The following ZNF609 variants were observed in gnomAD, a reference collection of about 807,000 sequenced individuals.
The protein encoded by ZNF609 is zinc finger protein 609.
Under a neutral mutation model 109.5 loss-of-function variants are expected in ZNF609, and 11 were observed. That is an observed-to-expected ratio of 0.10 (90% CI 0.06 to 0.17). The LOEUF is 0.17. ZNF609 is among the 10% of genes least tolerant of loss of function. The pLI is 1.00. For synonymous variants in ZNF609, 646 were observed against 662.0 expected, an observed-to-expected ratio of 0.98 and a Z score of 0.37; for missense variants, 1,559 against 1,772.4, an observed-to-expected ratio of 0.88 and a Z score of 2.16.
intron 2 of ZNF609, among the ~76,000 whole-genome samples, chr15:64,505,813 C>G (rs781319972): frequency 2.6e-5 from 4 of 152,082 alleles, no homozygotes; most frequent in Non-Finnish European, 5.9e-5. Flanking sequence ...CACCAGCCTT[C>G]TAAACTTGAA....
intron 2 of ZNF609, among the ~76,000 whole-genome samples, chr15:64,544,003 T>C (rs2140384823): frequency 6.6e-6 from 1 of 152,234 alleles, no homozygotes; most frequent in South Asian, 2.1e-4. Context: ...TGACTGACTC[T>C]CATTTATGTT....
intron 1 of ZNF609, among the ~76,000 whole-genome samples, chr15:64,480,538 A>G (rs138480669): frequency 1.3e-5 from 2 of 152,254 alleles, no homozygotes; most frequent in East Asian, 3.9e-4. Context: ...TCTCAAAAAA[A>G]AAAACAAAAA....
intron 7 of ZNF609, 61 bp from the exon 8 acceptor site, chr15:64,680,584 TG>T: frequency 7.3e-7 from 1 of 1,364,898 alleles, no homozygotes. Flanking sequence ...TGTGTGTGTG[TG>T]TGTGGTTGTA....
chr15:64,548,794 T>G (rs1420064183), intron 2 of ZNF609, among the ~76,000 whole-genome samples: 2 of 152,138 alleles, frequency 1.3e-5, no homozygotes, highest in East Asian at 3.9e-4. Context: ...ATAAACTGCT[T>G]ACAGCCCTTG....
In ZNF609 at chr15:64,678,315, T is replaced by C; in HGVS notation, c.3602T>C (p.Leu1201Pro). 1 of 1,614,134 alleles carries C rather than the reference T, an allele frequency of 6.2e-7. No individual in the cohort carries two copies. Among genetic ancestry groups the C allele is most frequent in the Non-Finnish European group, 8.5e-7 (1 of 1,180,006 alleles). The change falls in exon 6 of 10, where the codon CTT (leucine) becomes CCT (proline). Residue 1201 changes from leucine to proline, a missense_variant. Leu to Pro is a moderately conservative substitution (Grantham distance 98). Around this residue, in one of 4 missense-constraint regions of ZNF609, gnomAD observed 1,204 missense variants for 1,314.1 expected, o/e 0.92. Coordinates refer to ENST00000326648, the MANE Select transcript of ZNF609 (RefSeq NM_015042.2). ...CKLPTSEESR[L>P]GSKEPRPSVH... ...CTGCCCACGTCAGAGGAGTCTCGCC[T>C]TGGGAGCAAGGAGCCCCGGCCAAGT...
chr15:64,667,538 G>A (rs891813177), intron 3 of ZNF609, among the ~76,000 whole-genome samples: 1 of 151,886 alleles, frequency 6.6e-6, no homozygotes, highest in African/African-American at 2.4e-5. Flanking sequence ...GTGAAACCCT[G>A]TCTCTGCTTA....
chr15:64,591,359 CAG>C (rs1158832875), intron 2 of ZNF609, among the ~76,000 whole-genome samples: 1 of 152,110 alleles, frequency 6.6e-6, no homozygotes, highest in Non-Finnish European at 1.5e-5. Flanking sequence ...ACCCAGGAGA[CAG>C]AGGTTGCAGT....
rs1893535242 is a variant in ZNF609 at position 64,499,822 on chromosome 15, G to T, written c.403G>T (p.Val135Phe). 3.7e-6 allele frequency: 6 copies of T among 1,613,992 alleles called. No individual in the cohort carries two copies. Among genetic ancestry groups the T allele is most frequent in the African/African-American group, 1.3e-5 (1 of 74,914 alleles). Residue 135 changes from valine to phenylalanine, a missense_variant, in exon 2 of 10, where the codon GTT (valine) becomes TTT (phenylalanine). Val to Phe is a conservative substitution (Grantham distance 50, BLOSUM62 -1). This residue lies in a region of ZNF609 where 291 missense variants were observed against 317.8 expected (regional missense o/e 0.92). Coordinates refer to ENST00000326648, the MANE Select transcript of ZNF609 (RefSeq NM_015042.2). ...SGDGANAGGL[V>F]AAIAPKGSEK... Reference sequence around the variant, plus strand: ...AGATGGTGCCAATGCTGGAGGCCTGGTTGCTGCTATTGCTCCCAAGGGCTC... The same window carrying T: ...AGATGGTGCCAATGCTGGAGGCCTGTTTGCTGCTATTGCTCCCAAGGGCTC...
At chr15:64,480,527 A>C (rs1332129985) in intron 1 of ZNF609, among the ~76,000 whole-genome samples, 1 of 151,548 alleles carries the variant, frequency 6.6e-6, no homozygotes, top group Non-Finnish European at 1.5e-5. Flanking sequence ...GTGAGACTCC[A>C]TCTCAAAAAA....
chr15:64,593,585 G>A (rs980313025), intron 2 of ZNF609, among the ~76,000 whole-genome samples: 4 of 152,068 alleles, frequency 2.6e-5, no homozygotes, highest in Non-Finnish European at 5.9e-5. Flanking sequence ...GGAGTGCAGT[G>A]GTGCAATCAC....
intron 1 of ZNF609, among the ~76,000 whole-genome samples, chr15:64,496,428 A>G (rs2140348178): frequency 6.6e-6 from 1 of 152,330 alleles, no homozygotes; most frequent in South Asian, 2.1e-4. Context: ...TGTAGGTTAC[A>G]CTCTAAGCCT....
intron 3 of ZNF609, among the ~76,000 whole-genome samples, chr15:64,623,259 G>A (rs1160625567): frequency 2.0e-5 from 3 of 152,192 alleles, no homozygotes; most frequent in Admixed American, 1.3e-4. Context: ...ATTCAACAGT[G>A]TTGATCCTGG....
intron 1 of ZNF609, among the ~76,000 whole-genome samples, chr15:64,477,777 C>T (rs1397518029): frequency 6.6e-6 from 1 of 151,840 alleles, no homozygotes; most frequent in African/African-American, 2.4e-5. Flanking sequence ...TACAGGCATG[C>T]GCCACCGCGC....
At chr15:64,671,340 A>G (rs1228819023) in intron 4 of ZNF609, 3 of 152,142 alleles carry the variant, frequency 2.0e-5, no homozygotes, top group Non-Finnish European at 2.9e-5. Context: ...CAAGGGTGAC[A>G]TGCAGATTCG....
At chr15:64,546,569 C>T (rs1894364823) in intron 2 of ZNF609, among the ~76,000 whole-genome samples, 1 of 151,806 alleles carries the variant, frequency 6.6e-6, no homozygotes, top group African/African-American at 2.4e-5. Context: ...ACCTCCCAGG[C>T]TCAAGCAATC....
intron 3 of ZNF609, among the ~76,000 whole-genome samples, chr15:64,640,055 G>A (rs34694833): frequency 0.01 from 1,535 of 152,218 alleles, 12 homozygotes; most frequent in Non-Finnish European, 0.015. Flanking sequence ...GAGTAGCTGG[G>A]ACTACAGGTG....
chr15:64,674,982 G>C lies in ZNF609; in HGVS notation c.2128G>C (p.Val710Leu), dbSNP rs769017249. 7.4e-6 allele frequency: 12 copies of C among 1,614,054 alleles called. No individual in the cohort carries two copies. The South Asian group carries it at 1.2e-4, about 16-fold the overall frequency. Residue 710 changes from valine (V) to leucine (L), a missense_variant, in exon 5 of 10, where the codon GTT (valine) becomes CTT (leucine). This residue lies in a region of ZNF609 where 1,204 missense variants were observed against 1,314.1 expected (regional missense o/e 0.92). Transcript: ENST00000326648. Reference protein sequence around the residue: ...QLKPIQPKPTVMGEPFTVNPA... With the variant: ...QLKPIQPKPTLMGEPFTVNPA... The stretch of plus-strand genomic sequence containing the variant: ...CAAGCCCATTCAGCCCAAGCCCACT[G>C]TTATGGGAGAACCTTTCACAGTCAA...
At chr15:64,651,516 T>G (rs961855132) in intron 3 of ZNF609, among the ~76,000 whole-genome samples, 1 of 152,204 alleles carries the variant, frequency 6.6e-6, no homozygotes, top group Non-Finnish European at 1.5e-5. Flanking sequence ...ACAGCAACTC[T>G]TGTTCAGTTT....
chr15:64,548,605 A>G (rs1352473997), intron 2 of ZNF609, among the ~76,000 whole-genome samples: 3 of 152,150 alleles, frequency 2.0e-5, no homozygotes, highest in African/African-American at 7.2e-5. Context: ...ACAAAAGACA[A>G]ACAAAAACAA....
Sources: allele counts gnomAD v4.1 joint callset (sites outside exome capture counted in the v4.1 genomes callset), GRCh38; gene constraint gnomAD v4.1.1; regional missense constraint gnomAD v4.1.1; transcripts MANE v1.5; gene names NCBI Gene and HGNC (gene_info 2026-07-23, HGNC 2026-07-21).